The following LPAR1 variants were observed in gnomAD, a reference collection of about 807,000 sequenced individuals.
LPAR1 encodes the protein lysophosphatidic acid receptor 1, also known as LPA receptor 1.
Under a neutral mutation model 23.8 loss-of-function variants are expected in LPAR1, and 5 were observed. That is an observed-to-expected ratio of 0.21 (90% confidence interval 0.11 to 0.44). The LOEUF is 0.44. Among genes scored for constraint, LPAR1 ranks in the 20% least tolerant of loss-of-function variants. LPAR1 has a pLI of 0.99. For missense variants in LPAR1, 311 were observed against 482.8 expected, an observed-to-expected ratio of 0.64 and a Z score of 3.33; for synonymous variants, 160 against 164.7, an observed-to-expected ratio of 0.97 and a Z score of 0.22.
chr9:110,911,104 CT>C (rs1211074829), intron 5 of LPAR1, among the ~76,000 whole-genome samples: 3 of 152,164 alleles, frequency 2.0e-5, no homozygotes, highest in African/African-American at 7.2e-5. Context: ...ACTGAAAAAT[CT>C]TTTGTGAAAG....
At chr9:111,023,319 T>C (rs1389507690) in intron 2 of LPAR1, among the ~76,000 whole-genome samples, 4 of 152,174 alleles carry the variant, frequency 2.6e-5, no homozygotes, top group Admixed American at 2.6e-4. Context: ...ATTTCTTCCA[T>C]GACTCTGCAA....
At chr9:110,959,283 G>A (rs2095869848) in intron 4 of LPAR1, among the ~76,000 whole-genome samples, 1 of 151,678 alleles carries the variant, frequency 6.6e-6, no homozygotes, top group Non-Finnish European at 1.5e-5. Flanking sequence ...GGTAAGGATG[G>A]AAGGAAGGGA....
intron 2 of LPAR1, among the ~76,000 whole-genome samples, chr9:110,984,663 T>C (rs142698118): frequency 1.3e-5 from 2 of 151,992 alleles, no homozygotes; most frequent in East Asian, 3.9e-4. Context: ...TTCAAACACA[T>C]AATACAACTA....
chr9:110,983,017 G>A (rs997113973), intron 2 of LPAR1, among the ~76,000 whole-genome samples: 7 of 152,070 alleles, frequency 4.6e-5, no homozygotes, highest in Admixed American at 3.3e-4. Flanking sequence ...AAGAAAAGAA[G>A]TATTAGCAAG....
At chr9:111,016,540 A>G (rs747196347) in intron 2 of LPAR1, among the ~76,000 whole-genome samples, 12 of 152,066 alleles carry the variant, frequency 7.9e-5, no homozygotes, top group Non-Finnish European at 1.5e-4. Context: ...AAGTAAAAAG[A>G]CTCCACAAAA....
chr9:110,955,751 C>G (rs1219426721), intron 4 of LPAR1, among the ~76,000 whole-genome samples: 1 of 147,342 alleles, frequency 6.8e-6, no homozygotes, highest in East Asian at 2.0e-4. Flanking sequence ...ACAAGAGTAA[C>G]TTTGGAAACT....
intron 5 of LPAR1, among the ~76,000 whole-genome samples, chr9:110,925,599 C>G (rs182987187): frequency 1.9e-4 from 29 of 152,300 alleles, no homozygotes; most frequent in African/African-American, 5.8e-4. Context: ...GAAAATGCCA[C>G]TCATCATTAT....
intron 2 of LPAR1, among the ~76,000 whole-genome samples, chr9:111,026,851 C>A (rs80261496): frequency 0.098 from 14,923 of 152,180 alleles, 977 homozygotes; most frequent in African/African-American, 0.2. Context: ...ATACACCGAA[C>A]CTGCTTTGCA....
At chr9:111,005,462 T>C (rs1291205629) in intron 2 of LPAR1, among the ~76,000 whole-genome samples, 1 of 142,174 alleles carries the variant, frequency 7.0e-6, no homozygotes, top group African/African-American at 2.7e-5. Flanking sequence ...GTGAGAGAAT[T>C]ACCTGAGCCC....
chr9:110,996,819 G>T (rs2097019703), intron 2 of LPAR1, among the ~76,000 whole-genome samples: 1 of 152,204 alleles, frequency 6.6e-6, no homozygotes, highest in South Asian at 2.1e-4. Flanking sequence ...AACTACCCCA[G>T]TTTCTTTTGG....
Position 110,873,628 on chromosome 9 carries a change from T to G in LPAR1, c.*1793A>C, listed in dbSNP as rs2078550838. The G allele has an allele frequency of 6.6e-6, 1 of 152,228 alleles. No individual in the cohort carries two copies. Among genetic ancestry groups the G allele is most frequent in the East Asian group, 1.9e-4 (1 of 5,190 alleles). 9.4% of individuals were successfully genotyped at this position (152,228 alleles called of 1,614,324 possible). On this transcript the variant is annotated 3_prime_UTR_variant, in exon 6 of 6. Transcript: ENST00000683809. ...CTGGTTACTTGTTACAGCAAACTGATGCAACTACTAGTCTACCTGGACAAC... is the reference window on the plus strand; with the variant it reads ...CTGGTTACTTGTTACAGCAAACTGAGGCAACTACTAGTCTACCTGGACAAC...
chr9:111,019,500 T>C (rs1384166592), intron 2 of LPAR1, among the ~76,000 whole-genome samples: 3 of 151,992 alleles, frequency 2.0e-5, no homozygotes, highest in Non-Finnish European at 4.4e-5. Flanking sequence ...ATAGTGTGTG[T>C]TTTCTGCTGA....
At chr9:110,999,277 T>C (rs1181055112) in intron 2 of LPAR1, 1 of 370,586 alleles carries the variant, frequency 2.7e-6, no homozygotes, top group Non-Finnish European at 5.4e-6. Context: ...GTAATATCTA[T>C]TAAGTACAGT....
intron 4 of LPAR1, among the ~76,000 whole-genome samples, chr9:110,963,423 C>T (rs751012009): frequency 4.6e-5 from 7 of 152,276 alleles, no homozygotes; most frequent in South Asian, 2.1e-4. Context: ...CCTGGCAATA[C>T]GTTGGAGTTT....
At chr9:110,881,657 G>A (rs1306815232) in intron 5 of LPAR1, among the ~76,000 whole-genome samples, 2 of 152,146 alleles carry the variant, frequency 1.3e-5, no homozygotes, top group Non-Finnish European at 2.9e-5. Flanking sequence ...TGAAAAGCCA[G>A]GTAAAACCAC....
At chr9:110,898,156 C>A (rs1301273339) in intron 5 of LPAR1, among the ~76,000 whole-genome samples, 1 of 152,160 alleles carries the variant, frequency 6.6e-6, no homozygotes, top group Non-Finnish European at 1.5e-5. Flanking sequence ...TAAAAAGGAC[C>A]TTAAAACAAC....
chr9:110,952,963 C>G (rs2095617596), intron 4 of LPAR1, among the ~76,000 whole-genome samples: 2 of 152,200 alleles, frequency 1.3e-5, no homozygotes, highest in Non-Finnish European at 2.9e-5. Flanking sequence ...AGGATGGGCT[C>G]ACCCAAACTG....
chr9:110,929,698 A>ATGTGTGTGTGTGTGTG (rs71371696), intron 5 of LPAR1, among the ~76,000 whole-genome samples: 1 of 146,242 alleles, frequency 6.8e-6, no homozygotes, highest in African/African-American at 2.5e-5. Context: ...CCAGCCAATA[A>ATGTGTGTGTGTGTGTG]TGTGTGTGTG....
At chr9:110,966,555 T>C (rs937043213) in intron 4 of LPAR1, among the ~76,000 whole-genome samples, 26 of 151,586 alleles carry the variant, frequency 1.7e-4, no homozygotes, top group Non-Finnish European at 2.5e-4. Context: ...TGTATACCTA[T>C]GTAACAAACC....
Sources: gnomAD v4.1 joint callset for allele counts (sites outside exome capture counted in the v4.1 genomes callset) on GRCh38, gnomAD v4.1.1 for gene constraint, MANE v1.5 for transcripts, NCBI Gene and HGNC (gene_info 2026-07-23, HGNC 2026-07-21) for gene names.